The following DMXL1 variants were observed in gnomAD, a reference collection of about 807,000 sequenced individuals.
DMXL1 encodes Dmx like 1, also known as dmX-like protein 1.
Under a neutral mutation model 319.2 loss-of-function variants are expected in DMXL1, and 99 were observed. That is an observed-to-expected ratio of 0.31 (90% confidence interval 0.26 to 0.37). The LOEUF is 0.37. DMXL1 is among the 10% of genes least tolerant of loss of function. The pLI, the probability that DMXL1 is intolerant of heterozygous loss-of-function variation, is 1.00. For missense variants in DMXL1, 3,745 were observed against 3,595.6 expected (o/e 1.04, Z -1.06); for synonymous variants, 1,385 against 1,235.2 (o/e 1.12, Z -2.54).
chr5:119,075,299 G>A (rs1209581349), intron 1 of DMXL1, among the ~76,000 whole-genome samples: 1 of 146,516 alleles, frequency 6.8e-6, no homozygotes. Flanking sequence ...GAGTGCAGTG[G>A]TGTGATCTCA....
At chr5:119,142,668 C>T (rs140933421) in intron 13 of DMXL1, among the ~76,000 whole-genome samples, 1 of 152,084 alleles carries the variant, frequency 6.6e-6, no homozygotes, top group African/African-American at 2.4e-5. Flanking sequence ...CCTTTTGACC[C>T]AGCAATCCCA....
chr5:119,191,160 G>C (rs1001958862), intron 29 of DMXL1, among the ~76,000 whole-genome samples: 6 of 152,070 alleles, frequency 3.9e-5, no homozygotes, highest in African/African-American at 1.4e-4. Flanking sequence ...GATTATTATT[G>C]CTCTGTATAG....
chr5:119,233,194 T>C, intron 38 of DMXL1, 146 bp from the exon 39 acceptor site: 1 of 712,968 alleles, frequency 1.4e-6, no homozygotes, highest in East Asian at 2.7e-5. Flanking sequence ...TGATGAATAG[T>C]ATTCAACTGA....
chr5:119,076,489 AAGAG>A (rs910485337), intron 1 of DMXL1, among the ~76,000 whole-genome samples: 78 of 152,180 alleles, frequency 5.1e-4, no homozygotes, highest in African/African-American at 1.8e-3. Flanking sequence ...CATGTGAAGA[AAGAG>A]AAAGGTGTTT....
intron 15 of DMXL1, among the ~76,000 whole-genome samples, chr5:119,145,404 A>G (rs950336608): frequency 4.6e-5 from 7 of 151,746 alleles, no homozygotes; most frequent in African/African-American, 1.4e-4. Flanking sequence ...TTAGTCTTCT[A>G]TCAGTTTTCT....
chr5:119,206,057 A>C (rs1315242232), intron 33 of DMXL1, among the ~76,000 whole-genome samples: 1 of 152,044 alleles, frequency 6.6e-6, no homozygotes, highest in African/African-American at 2.4e-5. Context: ...TGGTTTTCTC[A>C]GATCTTTTCT....
At chr5:119,146,705 A>T in intron 15 of DMXL1, 132 bp from the exon 16 acceptor site, 1 of 744,600 alleles carries the variant, frequency 1.3e-6, no homozygotes, top group East Asian at 2.9e-5. Context: ...TTATAATACC[A>T]CTTGTGTTTG....
At chr5:119,146,615 T>G (rs2150124492) in intron 15 of DMXL1, among the ~76,000 whole-genome samples, 2 of 152,114 alleles carry the variant, frequency 1.3e-5, no homozygotes, top group South Asian at 4.1e-4. Flanking sequence ...ACCTATCAAT[T>G]CAAACATGAA....
chr5:119,169,547 A>G (rs1406249264), intron 23 of DMXL1, among the ~76,000 whole-genome samples: 1 of 152,172 alleles, frequency 6.6e-6, no homozygotes, highest in Non-Finnish European at 1.5e-5. Flanking sequence ...GGTTGAAATG[A>G]GTGAGTTAAT....
At chr5:119,241,739 C>A (rs1271271987) in intron 42 of DMXL1, among the ~76,000 whole-genome samples, 1 of 152,048 alleles carries the variant, frequency 6.6e-6, no homozygotes, top group Non-Finnish European at 1.5e-5. Flanking sequence ...TACACTGTTG[C>A]ACTAAATACA....
intron 15 of DMXL1, among the ~76,000 whole-genome samples, chr5:119,145,916 A>G (rs927302128): frequency 6.6e-6 from 1 of 151,728 alleles, no homozygotes. Context: ...TGTTAGTGAA[A>G]TTATCAAAAC....
chr5:119,196,415 A>T lies in DMXL1; in HGVS notation c.7502A>T (p.Asn2501Ile). ...GCGATGGTGCAATTGGTGCTCAACA[A>T]TTTGAAGACTTTTTATCCCTTCGCA... The part of the protein sequence containing the change: ...RLAMVQLVLN[N>I]LKTFYPFAGH... The change falls in exon 31 of 44, where the codon AAT becomes ATT. Residue 2501 changes from asparagine to isoleucine, a missense_variant. By Grantham distance (149) the Asn-to-Ile change is moderately radical. Around this residue, in one of 4 missense-constraint regions of DMXL1, gnomAD observed 1,382 missense variants for 1,269.5 expected, o/e 1.09. Coordinates refer to ENST00000539542, the MANE Select transcript of DMXL1 (RefSeq NM_001290321.3). The T allele has an allele frequency of 6.2e-7, 1 of 1,613,612 alleles. No homozygotes were observed. The highest frequency in any genetic ancestry group is 8.5e-7 in the Non-Finnish European group (1 of 1,179,808).
intron 1 of DMXL1, among the ~76,000 whole-genome samples, chr5:119,074,504 G>C (rs767258517): frequency 6.6e-6 from 1 of 152,156 alleles, no homozygotes. Context: ...GTGAGATCTT[G>C]TTTTACTCAT....
intron 9 of DMXL1, among the ~76,000 whole-genome samples, chr5:119,122,931 A>C (rs1436001424): frequency 6.6e-6 from 1 of 152,162 alleles, no homozygotes; most frequent in Non-Finnish European, 1.5e-5. Context: ...CAATCTCGGC[A>C]CTTTGGGAGG....
In DMXL1 at chr5:119,247,132, T is replaced by A. The variant is rs757343738; in HGVS notation, c.9060T>A (p.Ala3020=). Residue 3020 remains alanine (A), a synonymous_variant, in exon 44 of 44, where the codon GCT becomes GCA. Transcript: ENST00000539542. The stretch of plus-strand genomic sequence containing the variant: ...CAAATCACATTTTCTCCTGTGGAGC[T>A]GATGGAACAATGAAAATGAGAATAC... ...GPANHIFSCG[A]DGTMKMRILP... The A allele has an allele frequency of 1.2e-6, 2 of 1,614,024 alleles. No individual in the cohort carries two copies. Among genetic ancestry groups the A allele is most frequent in the Non-Finnish European group, 1.7e-6 (2 of 1,179,992 alleles).
chr5:119,118,665 A>G (rs746214004), intron 7 of DMXL1, 150 bp from the exon 8 acceptor site: 28 of 520,832 alleles, frequency 5.4e-5, no homozygotes, highest in Non-Finnish European at 8.2e-5. Flanking sequence ...TAGGTTGGCA[A>G]GCATTTGCTG....
intron 19 of DMXL1, among the ~76,000 whole-genome samples, chr5:119,163,655 C>T (rs922966008): frequency 6.6e-6 from 1 of 152,224 alleles, no homozygotes; most frequent in Non-Finnish European, 1.5e-5. Context: ...GTGGCACAAT[C>T]TCGGCTCACT....
In DMXL1 at chr5:119,175,249, T is replaced by C; in HGVS notation, c.6682-12T>C. 1 of 1,602,312 alleles carries C rather than the reference T, an allele frequency of 6.2e-7. No homozygotes were observed. The highest frequency in any genetic ancestry group is 8.5e-7 in the Non-Finnish European group (1 of 1,175,196). On this transcript the variant is annotated splice_polypyrimidine_tract_variant and intron_variant, in intron 25 of 43. Transcript: ENST00000539542. Reference sequence around the variant, plus strand: ...AGGTTATACTTAAAGTAATTTTGTTTTTGTTTTCCAGGTGTATGTAATGCA... The same window carrying C: ...AGGTTATACTTAAAGTAATTTTGTTCTTGTTTTCCAGGTGTATGTAATGCA...
intron 1 of DMXL1, among the ~76,000 whole-genome samples, chr5:119,076,646 TAAG>T (rs1292064459): frequency 6.6e-6 from 1 of 152,206 alleles, no homozygotes; most frequent in Non-Finnish European, 1.5e-5. Flanking sequence ...ATTTTAAAGA[TAAG>T]AATTGCTGCA....
Sources: gnomAD v4.1 joint callset for allele counts (sites outside exome capture counted in the v4.1 genomes callset) on GRCh38, gnomAD v4.1.1 for gene constraint, gnomAD v4.1.1 regional missense constraint, MANE v1.5 for transcripts, NCBI Gene and HGNC (gene_info 2026-07-23, HGNC 2026-07-21) for gene names.